CACNA2D3: variants seen among roughly 807,000 people sequenced by gnomAD.
CACNA2D3 encodes voltage-dependent calcium channel subunit alpha-2/delta-3.
CACNA2D3 carries 60 observed loss-of-function variants against 160.6 expected under a neutral mutation model. The ratio of observed to expected loss-of-function variants is 0.37; its 90% confidence interval spans 0.30 to 0.46. CACNA2D3 has a LOEUF of 0.46. Ranked by LOEUF, CACNA2D3 falls within the 20% of genes least tolerant of loss-of-function variation. The pLI, the probability that CACNA2D3 is intolerant of heterozygous loss-of-function variation, is 1.00. For synonymous variants in CACNA2D3, 558 were observed against 492.9 expected (o/e 1.13, Z -1.75); for missense variants, 1,205 against 1,365.0 (o/e 0.88, Z 1.85).
intron 11 of CACNA2D3, among the ~76,000 whole-genome samples, chr3:54,663,635 C>T (rs1226293926): frequency 6.6e-6 from 1 of 152,218 alleles, no homozygotes; most frequent in Non-Finnish European, 1.5e-5. Context: ...ATTTATGCCC[C>T]CTGTGATAAA....
chr3:54,232,803 G>GAGT (rs1463410911), intron 2 of CACNA2D3, among the ~76,000 whole-genome samples: 1 of 152,194 alleles, frequency 6.6e-6, no homozygotes, highest in Non-Finnish European at 1.5e-5. Flanking sequence ...TATGCGATTA[G>GAGT]AGTAGAAAGC....
intron 11 of CACNA2D3, among the ~76,000 whole-genome samples, chr3:54,711,030 A>G (rs566041132): frequency 3.3e-5 from 5 of 152,214 alleles, no homozygotes; most frequent in Non-Finnish European, 7.4e-5. Context: ...AACTTTTGCC[A>G]TCAAATAACA....
At chr3:54,353,577 C>A (rs1698600975) in intron 3 of CACNA2D3, among the ~76,000 whole-genome samples, 1 of 152,072 alleles carries the variant, frequency 6.6e-6, no homozygotes, top group Non-Finnish European at 1.5e-5. Context: ...CTAGCATTCC[C>A]ACCGCGCCCC....
At chr3:54,550,025 T>A (rs941596774) in intron 5 of CACNA2D3, among the ~76,000 whole-genome samples, 4 of 152,232 alleles carry the variant, frequency 2.6e-5, no homozygotes, top group Admixed American at 1.3e-4. Flanking sequence ...CTGGGTGTTG[T>A]CCTTTATTGT....
chr3:55,072,051 T>C (rs1272871828), intron 35 of CACNA2D3, among the ~76,000 whole-genome samples: 4 of 152,182 alleles, frequency 2.6e-5, no homozygotes, highest in African/African-American at 9.6e-5. Flanking sequence ...AAGAGTCTAG[T>C]GTTAAAGAGG....
chr3:54,157,506 G>A (rs9846298), intron 2 of CACNA2D3, among the ~76,000 whole-genome samples: 5 of 152,008 alleles, frequency 3.3e-5, no homozygotes, highest in African/African-American at 7.2e-5. Flanking sequence ...AAGAAGAAAC[G>A]GGGGCCAGGC....
intron 11 of CACNA2D3, among the ~76,000 whole-genome samples, chr3:54,678,773 G>A (rs1276722173): frequency 1.6e-5 from 2 of 127,542 alleles, no homozygotes; most frequent in African/African-American, 5.6e-5. Flanking sequence ...TTAATTAATT[G>A]CATAAACATT....
intron 13 of CACNA2D3, among the ~76,000 whole-genome samples, chr3:54,772,324 TTAAA>T (rs1420334066): frequency 2.0e-5 from 3 of 151,944 alleles, no homozygotes; most frequent in Non-Finnish European, 2.9e-5. Flanking sequence ...GATTTAATGC[TTAAA>T]TAAATAGCTT....
chr3:55,071,888 T>C (rs370167980), intron 35 of CACNA2D3, among the ~76,000 whole-genome samples: 5 of 152,356 alleles, frequency 3.3e-5, no homozygotes, highest in African/African-American at 9.6e-5. Context: ...TTTGTACTTG[T>C]CTTTGAGACT....
At chr3:54,186,129 C>T (rs936582778) in intron 2 of CACNA2D3, among the ~76,000 whole-genome samples, 1 of 152,106 alleles carries the variant, frequency 6.6e-6, no homozygotes, top group Non-Finnish European at 1.5e-5. Context: ...TATCTCCAGC[C>T]CTGAGGATGG....
chr3:54,962,460 C>G (rs1702052632), intron 27 of CACNA2D3, among the ~76,000 whole-genome samples: 1 of 152,152 alleles, frequency 6.6e-6, no homozygotes, highest in Non-Finnish European at 1.5e-5. Flanking sequence ...AATAAAAGCT[C>G]TAGGAGCAAG....
Position 54,883,799 on chromosome 3 carries a change from A to ATCTCTC in CACNA2D3, c.1913-1463_1913-1458dup, listed in dbSNP as rs9311543. Among the ~76,000 whole-genome samples, 417 of 107,472 alleles carry ATCTCTC rather than the reference A, an allele frequency of 3.9e-3. 7 individuals carry two copies. The highest frequency in any genetic ancestry group is 0.013 in the African/African-American group (387 of 28,956). The allele number at this position is 107,472 out of a possible 152,430, so 70.5% of individuals were successfully genotyped here. ...TCCTGACCTCCATAGTTACAATGGA[A>ATCTCTC]TCTCTCTCTCTCTCTCTCTCTCTCC... On this transcript the variant is annotated intron_variant, in intron 21 of 37. Coordinates refer to ENST00000474759, the MANE Select transcript of CACNA2D3 (RefSeq NM_018398.3).
At chr3:54,759,226 C>T (rs1346407) in intron 12 of CACNA2D3, among the ~76,000 whole-genome samples, 63,989 of 151,858 alleles carry the variant, frequency 0.42, 14,619 homozygotes, top group East Asian at 0.51. Flanking sequence ...TGGTAATTAC[C>T]GAATCATTGC....
chr3:54,157,150 C>G (rs1576965934), intron 2 of CACNA2D3, among the ~76,000 whole-genome samples: 1 of 152,162 alleles, frequency 6.6e-6, no homozygotes. Flanking sequence ...TTTTTGTGTC[C>G]TCACATGGTC....
chr3:54,832,055 A>ACACACACACACC (rs1559598710), intron 14 of CACNA2D3, among the ~76,000 whole-genome samples: 1 of 141,240 alleles, frequency 7.1e-6, no homozygotes, highest in Non-Finnish European at 1.6e-5. Context: ...ACACACACAC[A>ACACACACACACC]CGTCTCTCCT....
intron 35 of CACNA2D3, among the ~76,000 whole-genome samples, chr3:55,068,357 C>T (rs1019110512): frequency 2.0e-5 from 3 of 152,172 alleles, no homozygotes; most frequent in Non-Finnish European, 2.9e-5. Flanking sequence ...TTTAATTTTA[C>T]GTGGTCCTTC....
intron 13 of CACNA2D3, among the ~76,000 whole-genome samples, chr3:54,814,624 G>A (rs187649708): frequency 9.3e-4 from 141 of 152,350 alleles, no homozygotes; most frequent in Admixed American, 2.4e-3. Context: ...GCTCCAGTAG[G>A]AAAGTTGCTC....
At chr3:54,545,092 T>C (rs1702040799) in intron 5 of CACNA2D3, among the ~76,000 whole-genome samples, 1 of 152,344 alleles carries the variant, frequency 6.6e-6, no homozygotes, top group East Asian at 1.9e-4. Flanking sequence ...CCATTTAAAA[T>C]ATGTTCCAAA....
chr3:54,952,263 G>A (rs553673242), intron 27 of CACNA2D3, among the ~76,000 whole-genome samples: 1 of 152,192 alleles, frequency 6.6e-6, no homozygotes, highest in Non-Finnish European at 1.5e-5. Flanking sequence ...CAGCACCCCT[G>A]TGGGCACAGG....
Sources: allele counts gnomAD v4.1 joint callset (sites outside exome capture counted in the v4.1 genomes callset), GRCh38; gene constraint gnomAD v4.1.1; transcripts MANE v1.5; gene names NCBI Gene and HGNC (gene_info 2026-07-23, HGNC 2026-07-21).